The following ATF2 variants were observed in gnomAD, a reference collection of about 807,000 sequenced individuals.
ATF2 encodes activating transcription factor 2, also known as cyclic AMP-dependent transcription factor ATF-2.
In ATF2, 24 loss-of-function variants were observed where a neutral mutation model predicts 60.6. The observed-to-expected ratio is 0.40, with a 90% confidence interval of 0.29 to 0.56. The LOEUF (loss-of-function observed/expected upper bound fraction) is 0.56. Among genes scored for constraint, ATF2 ranks in the 20% least tolerant of loss-of-function variants. The pLI, the probability that ATF2 is intolerant of heterozygous loss-of-function variation, is 0.54. For missense variants in ATF2, 433 were observed against 607.7 expected, an observed-to-expected ratio of 0.71 and a Z score of 3.02; for synonymous variants, 206 against 215.4, an observed-to-expected ratio of 0.96 and a Z score of 0.38.
At chr2:175,144,588 G>C (rs180693356) in intron 2 of ATF2, among the ~76,000 whole-genome samples, 2 of 152,326 alleles carry the variant, frequency 1.3e-5, no homozygotes, top group African/African-American at 2.4e-5. Flanking sequence ...GTGTCTGCAC[G>C]GGAGGTAGCT....
chr2:175,089,767 A>G (rs907227789), intron 12 of ATF2, among the ~76,000 whole-genome samples: 1 of 152,174 alleles, frequency 6.6e-6, no homozygotes. Context: ...ACTTGAAGCA[A>G]TAACAGAAAG....
chr2:175,141,861 T>C (rs1378437353), intron 2 of ATF2, among the ~76,000 whole-genome samples: 1 of 152,056 alleles, frequency 6.6e-6, no homozygotes, highest in South Asian at 2.1e-4. Flanking sequence ...CATGTGTTAC[T>C]TCAGAAAAAA....
At chr2:175,111,976 T>A (rs1696226929) in intron 9 of ATF2, among the ~76,000 whole-genome samples, 2 of 152,186 alleles carry the variant, frequency 1.3e-5, no homozygotes, top group South Asian at 4.1e-4. Flanking sequence ...ATTTTGAATA[T>A]GAAAGGAAGA....
chr2:175,112,336 A>G (rs1222936684), intron 9 of ATF2, among the ~76,000 whole-genome samples: 2 of 152,210 alleles, frequency 1.3e-5, no homozygotes, highest in African/African-American at 2.4e-5. Context: ...GGAAGCAGAT[A>G]CCTTATATCT....
At chr2:175,130,925 A>C (rs936640686) in intron 3 of ATF2, among the ~76,000 whole-genome samples, 3 of 152,188 alleles carry the variant, frequency 2.0e-5, no homozygotes, top group African/African-American at 7.2e-5. Flanking sequence ...TTCTGAGTCC[A>C]AGTTTAAAAG....
chr2:175,115,006 A>G, intron 7 of ATF2, 138 bp from the exon 8 acceptor site: 2 of 714,662 alleles, frequency 2.8e-6, no homozygotes, highest in Non-Finnish European at 4.1e-6. Context: ...AAATTAATTA[A>G]AAGAACATTT....
chr2:175,158,910 C>T (rs954741325), intron 1 of ATF2, among the ~76,000 whole-genome samples: 3 of 152,108 alleles, frequency 2.0e-5, no homozygotes, highest in African/African-American at 7.2e-5. Flanking sequence ...AATTTTACTG[C>T]ATTTTACTTT....
chr2:175,096,446 T>G (rs1171248810), intron 11 of ATF2, among the ~76,000 whole-genome samples: 1 of 152,220 alleles, frequency 6.6e-6, no homozygotes, highest in African/African-American at 2.4e-5. Context: ...AATATTTATC[T>G]ACCTATTTCT....
chr2:175,093,346 G>C lies in ATF2; in HGVS notation c.979-79C>G, dbSNP rs189743230. 1.1e-5 allele frequency: 15 copies of C among 1,381,584 alleles called. No homozygotes were observed. In the African/African-American group the frequency reaches 1.6e-4, roughly 15 times the overall value. 85.6% of individuals were successfully genotyped at this position (1,381,584 alleles called of 1,614,324 possible). Reference sequence around the variant, plus strand: ...ACATAGGCAGTAAAGGGTGTCAAAGGGGGAGAGCAACTGTATTTTCTAAGT... The same window carrying C: ...ACATAGGCAGTAAAGGGTGTCAAAGCGGGAGAGCAACTGTATTTTCTAAGT... On this transcript the variant is annotated intron_variant, in intron 11 of 13. Coordinates refer to ENST00000264110, the MANE Select transcript of ATF2 (RefSeq NM_001880.4).
chr2:175,113,830 C>A (rs1310968300), intron 9 of ATF2, among the ~76,000 whole-genome samples, 164 bp downstream of exon 9: 1 of 151,330 alleles, frequency 6.6e-6, no homozygotes, highest in East Asian at 1.9e-4. Context: ...AATAGCTATA[C>A]CTTGAATGGT....
chr2:175,083,473 T>C (rs1043294757), intron 12 of ATF2, among the ~76,000 whole-genome samples: 5 of 152,004 alleles, frequency 3.3e-5, no homozygotes, highest in Non-Finnish European at 7.4e-5. Flanking sequence ...GATCCCTTCC[T>C]TACTTATACA....
At chr2:175,164,531 C>T (rs1700228215) in intron 1 of ATF2, among the ~76,000 whole-genome samples, 1 of 152,098 alleles carries the variant, frequency 6.6e-6, no homozygotes, top group African/African-American at 2.4e-5. Context: ...GAGACTCTGT[C>T]TCAAAAATAA....
chr2:175,098,865 T>A (rs1360814639), intron 10 of ATF2, among the ~76,000 whole-genome samples: 2 of 152,180 alleles, frequency 1.3e-5, no homozygotes, highest in Non-Finnish European at 2.9e-5. Context: ...GTCTATCATA[T>A]GTGATCCAGA....
intron 2 of ATF2, among the ~76,000 whole-genome samples, chr2:175,139,321 T>A (rs906804881): frequency 6.6e-6 from 1 of 152,132 alleles, no homozygotes; most frequent in African/African-American, 2.4e-5. Flanking sequence ...TTACTTCACA[T>A]GGAAATAATA....
intron 7 of ATF2, among the ~76,000 whole-genome samples, chr2:175,115,193 C>G (rs1326559517): frequency 6.6e-6 from 1 of 151,712 alleles, no homozygotes; most frequent in Non-Finnish European, 1.5e-5. Context: ...ATAATCCATT[C>G]TCAGAGAATC....
chr2:175,080,601 C>A, intron 13 of ATF2, 59 bp downstream of exon 13: 1 of 1,285,568 alleles, frequency 7.8e-7, no homozygotes, highest in South Asian at 1.4e-5. Context: ...CAGCTCAGTT[C>A]ACTCTGACGG....
At chr2:175,083,095 C>T (rs1693877277) in intron 12 of ATF2, among the ~76,000 whole-genome samples, 1 of 151,708 alleles carries the variant, frequency 6.6e-6, no homozygotes, top group African/African-American at 2.4e-5. Flanking sequence ...AGATTCAATG[C>T]CATCCCCATC....
At chr2:175,089,901 C>G (rs1694427533) in intron 12 of ATF2, among the ~76,000 whole-genome samples, 2 of 152,126 alleles carry the variant, frequency 1.3e-5, no homozygotes, top group Admixed American at 6.6e-5. Flanking sequence ...CATTTCTATA[C>G]CAGTTCCTAT....
At chr2:175,101,948 TAG>T (rs1695341341) in intron 10 of ATF2, among the ~76,000 whole-genome samples, 3 of 152,204 alleles carry the variant, frequency 2.0e-5, no homozygotes, top group Admixed American at 2.0e-4. Flanking sequence ...CTAAAAAAAT[TAG>T]ACTTAGGTCA....
Sources: gnomAD v4.1 joint callset for allele counts (sites outside exome capture counted in the v4.1 genomes callset) on GRCh38, gnomAD v4.1.1 for gene constraint, MANE v1.5 for transcripts, NCBI Gene and HGNC (gene_info 2026-07-23, HGNC 2026-07-21) for gene names.